The following KCNMA1 variants were observed in gnomAD, a reference collection of about 807,000 sequenced individuals.
KCNMA1 encodes potassium calcium-activated channel subfamily M alpha 1.
Under a neutral mutation model 140.0 loss-of-function variants are expected in KCNMA1, and 29 were observed. The observed-to-expected ratio is 0.21, with a 90% confidence interval of 0.15 to 0.28. The LOEUF (loss-of-function observed/expected upper bound fraction) is 0.28, where lower values mean the gene tolerates loss of function less well. Ranked by LOEUF, KCNMA1 falls within the 10% of genes least tolerant of loss-of-function variation. KCNMA1 has a pLI of 1.00. For synonymous variants in KCNMA1, 612 were observed against 611.9 expected (o/e 1.00, Z 0.00); for missense variants, 880 against 1,602.2 (o/e 0.55, Z 7.70).
intron 2 of KCNMA1, among the ~76,000 whole-genome samples, chr10:77,276,430 T>C (rs907814983): frequency 4.6e-5 from 7 of 152,204 alleles, no homozygotes; most frequent in Admixed American, 6.5e-5. Context: ...AAACACTCAT[T>C]GATCACAGAG....
downstream of KCNMA1, chr10:76,884,617 T>C (rs2036029985): frequency 1.0e-5 from 2 of 193,896 alleles, no homozygotes; most frequent in South Asian, 1.3e-4. Context: ...ACGTGCAGAT[T>C]AAAAGGCAAG....
chr10:77,060,304 A>G (rs2095692241), intron 14 of KCNMA1, among the ~76,000 whole-genome samples: 1 of 152,204 alleles, frequency 6.6e-6, no homozygotes, highest in African/African-American at 2.4e-5. Flanking sequence ...TGTAATGCCC[A>G]TTTTAAGCAA....
chr10:77,212,548 C>G (rs1275378695), intron 3 of KCNMA1, among the ~76,000 whole-genome samples: 1 of 151,992 alleles, frequency 6.6e-6, no homozygotes, highest in African/African-American at 2.4e-5. Flanking sequence ...CATATGTACC[C>G]CCTGTATCTA....
rs183127283 is a variant in KCNMA1, at chr10:77,550,229, C to T, written c.378+87036G>A. 1.9e-3 allele frequency among the ~76,000 whole-genome samples: 296 copies of T among 152,288 alleles called. 1 individual carries two copies. The highest frequency in any genetic ancestry group is 6.2e-3 in the African/African-American group (258 of 41,568). On this transcript the variant is annotated intron_variant, in intron 1 of 27. Coordinates refer to ENST00000286628, the MANE Select transcript of KCNMA1 (RefSeq NM_001161352.2). ...GTGAAGGGTTGGAGAAGAGAGGGAT[C>T]CCAGCCTACTCCCAAGCCCAGTGGG...
At chr10:77,107,195 C>T (rs2097214112) in intron 9 of KCNMA1, among the ~76,000 whole-genome samples, 1 of 152,018 alleles carries the variant, frequency 6.6e-6, no homozygotes, top group South Asian at 2.1e-4. Flanking sequence ...TTTATTTCCT[C>T]TTAAAAAAAC....
At chr10:77,320,260 T>A (rs2081995506) in intron 2 of KCNMA1, among the ~76,000 whole-genome samples, 1 of 151,270 alleles carries the variant, frequency 6.6e-6, no homozygotes, top group South Asian at 2.1e-4. Flanking sequence ...CTCTGGGAAG[T>A]GCATGAAAAA....
At chr10:77,231,504 T>G (rs1452264397) in intron 3 of KCNMA1, among the ~76,000 whole-genome samples, 2 of 152,196 alleles carry the variant, frequency 1.3e-5, no homozygotes, top group Non-Finnish European at 1.5e-5. Context: ...GTGTTTTTCT[T>G]TTTTTTAGGT....
In KCNMA1 at chr10:77,569,709, T is replaced by C. The variant is rs2070123170; in HGVS notation, c.378+67556A>G. 2.0e-5 allele frequency among the ~76,000 whole-genome samples: 3 copies of C among 152,212 alleles called. No individual in the cohort carries two copies. The South Asian group carries it at 6.2e-4, about 32-fold the overall frequency. ...TTCATGTCTAAAACACCAAAAGCAATAGCAACAAAAGTCAAAATTGACAGA... is the reference window on the plus strand; with the variant it reads ...TTCATGTCTAAAACACCAAAAGCAACAGCAACAAAAGTCAAAATTGACAGA... On this transcript the variant is annotated intron_variant, in intron 1 of 27. Coordinates refer to ENST00000286628, the MANE Select transcript of KCNMA1 (RefSeq NM_001161352.2).
Position 77,540,409 on chromosome 10 carries a change from G to A in KCNMA1, c.378+96856C>T, listed in dbSNP as rs374852854. On this transcript the variant is annotated intron_variant, in intron 1 of 27. Coordinates refer to ENST00000286628, the MANE Select transcript of KCNMA1 (RefSeq NM_001161352.2). ...TTTTACAAATGAGCAAACTCCTTTGGGAAAAACTGGCACTGTTCAGACTAT... is the reference window on the plus strand; with the variant it reads ...TTTTACAAATGAGCAAACTCCTTTGAGAAAAACTGGCACTGTTCAGACTAT... 3.3e-5 allele frequency among the ~76,000 whole-genome samples: 5 copies of A among 152,248 alleles called. No homozygotes were observed. The East Asian group carries it at 9.7e-4, about 29-fold the overall frequency.
chr10:77,380,332 G>T (rs1004070226), intron 2 of KCNMA1, among the ~76,000 whole-genome samples: 2 of 152,120 alleles, frequency 1.3e-5, no homozygotes, highest in Non-Finnish European at 2.9e-5. Flanking sequence ...CTCCGCATGA[G>T]TCGTCTTTAG....
intron 1 of KCNMA1, among the ~76,000 whole-genome samples, chr10:77,542,624 C>T (rs531060993): frequency 1.3e-5 from 2 of 152,210 alleles, no homozygotes; most frequent in African/African-American, 2.4e-5. Flanking sequence ...AGAAAGATGG[C>T]AGAGTGTCCC....
At chr10:77,418,366 C>A (rs778793036) in intron 1 of KCNMA1, among the ~76,000 whole-genome samples, 4 of 152,180 alleles carry the variant, frequency 2.6e-5, no homozygotes, top group East Asian at 1.9e-4. Flanking sequence ...GCTGTGAGAA[C>A]CTTCTTTCTC....
At chr10:76,932,805 T>C (rs2059604990) in intron 23 of KCNMA1, among the ~76,000 whole-genome samples, 1 of 152,162 alleles carries the variant, frequency 6.6e-6, no homozygotes, top group African/African-American at 2.4e-5. Context: ...TTCCTCCTGC[T>C]CCAGTCTACC....
chr10:77,633,084 A>C (rs2093381262), intron 1 of KCNMA1, among the ~76,000 whole-genome samples: 1 of 152,218 alleles, frequency 6.6e-6, no homozygotes, highest in Non-Finnish European at 1.5e-5. Context: ...TGGGAGGCCA[A>C]GGTGGGCGAA....
intron 2 of KCNMA1, among the ~76,000 whole-genome samples, chr10:77,315,869 T>C (rs2080728842): frequency 6.6e-6 from 1 of 152,084 alleles, no homozygotes; most frequent in African/African-American, 2.4e-5. Flanking sequence ...CAGTGGAGGA[T>C]CCCATCACCA....
At chr10:76,951,799 A>G (rs1255895863) in intron 21 of KCNMA1, among the ~76,000 whole-genome samples, 1 of 152,088 alleles carries the variant, frequency 6.6e-6, no homozygotes, top group Non-Finnish European at 1.5e-5. Context: ...AAATGTTATT[A>G]AGTACTCATT....
intron 1 of KCNMA1, among the ~76,000 whole-genome samples, chr10:77,413,824 T>C (rs1227900758): frequency 1.3e-4 from 20 of 152,180 alleles, no homozygotes; most frequent in Admixed American, 1.3e-3. Flanking sequence ...GGGCTGTACC[T>C]TTAGGGAAGG....
At chr10:77,140,578 A>C (rs1458184411) in intron 5 of KCNMA1, 5 of 152,526 alleles carry the variant, frequency 3.3e-5, no homozygotes, top group African/African-American at 1.2e-4. Context: ...TGCTCTGGAA[A>C]GACCTGGAGG....
At chr10:77,429,672 T>C (rs2097106423) in intron 1 of KCNMA1, among the ~76,000 whole-genome samples, 1 of 152,210 alleles carries the variant, frequency 6.6e-6, no homozygotes, top group South Asian at 2.1e-4. Context: ...AGAACACTAT[T>C]TAATTGTTTT....
Sources: allele counts gnomAD v4.1 joint callset (sites outside exome capture counted in the v4.1 genomes callset), GRCh38; gene constraint gnomAD v4.1.1; transcripts MANE v1.5; gene names NCBI Gene and HGNC (gene_info 2026-07-23, HGNC 2026-07-21).